Variants in CDH4 observed in about 807,000 individuals in gnomAD.
The protein encoded by CDH4 is cadherin 4, also known as cadherin-4.
CDH4 carries 33 observed loss-of-function variants against 86.0 expected under a neutral mutation model. That is an observed-to-expected ratio of 0.38 (90% CI 0.29 to 0.51). The LOEUF (loss-of-function observed/expected upper bound fraction) is 0.51. Among genes scored for constraint, CDH4 ranks in the 20% least tolerant of loss-of-function variants. The pLI, the probability that CDH4 is intolerant of heterozygous loss-of-function variation, is 0.86. For synonymous variants in CDH4, 555 were observed against 549.4 expected (o/e 1.01, Z -0.14); for missense variants, 1,114 against 1,307.4 (o/e 0.85, Z 2.28).
At chr20:61,798,073 G>C (rs1262262558) in intron 4 of CDH4, among the ~76,000 whole-genome samples, 1 of 152,186 alleles carries the variant, frequency 6.6e-6, no homozygotes, top group Non-Finnish European at 1.5e-5. Flanking sequence ...TCTGAGTCTC[G>C]CTGTCACATC....
chr20:61,882,093 C>T (rs746467622), intron 7 of CDH4, among the ~76,000 whole-genome samples: 1 of 152,344 alleles, frequency 6.6e-6, no homozygotes, highest in East Asian at 1.9e-4. Context: ...GCCTCCACCT[C>T]GAACCTCTGG....
chr20:61,804,126 G>A (rs1033258693), intron 4 of CDH4, among the ~76,000 whole-genome samples: 1 of 152,278 alleles, frequency 6.6e-6, no homozygotes, highest in Non-Finnish European at 1.5e-5. Context: ...CCCGGAGCAG[G>A]TGGTGGAAAC....
At chr20:61,753,389 C>T (rs1330107663) in intron 3 of CDH4, among the ~76,000 whole-genome samples, 2 of 152,192 alleles carry the variant, frequency 1.3e-5, no homozygotes, top group Non-Finnish European at 2.9e-5. Flanking sequence ...AACTTTTCTC[C>T]TTCTTTTGTC....
chr20:61,406,159 G>A (rs369727244), intron 2 of CDH4, among the ~76,000 whole-genome samples: 6 of 152,272 alleles, frequency 3.9e-5, no homozygotes, highest in East Asian at 1.9e-4. Context: ...TCAGGATCCC[G>A]AAAGCCCAGG....
intron 2 of CDH4, among the ~76,000 whole-genome samples, chr20:61,565,883 TG>T (rs918248342): frequency 4.6e-5 from 7 of 152,192 alleles, no homozygotes; most frequent in African/African-American, 1.7e-4. Context: ...CTCAGCTGCC[TG>T]GGGTGAGGGT....
chr20:61,703,632 G>A lies in CDH4; in HGVS notation c.170-39931G>A, dbSNP rs777115309. Among the ~76,000 whole-genome samples, 4 of 152,164 alleles carry A rather than the reference G, an allele frequency of 2.6e-5. No homozygotes were observed. The highest frequency in any genetic ancestry group is 1.9e-4 in the East Asian group (1 of 5,188). On this transcript the variant is annotated intron_variant, in intron 2 of 15. Transcript: ENST00000614565. This position sits in a 1 kb window ranked among gnomAD's most constrained non-coding sequence, Gnocchi z 4.3. ...GCCTGGATGAATCTGCAAAGAGAGC[G>A]GGGATCTGATGTGTGCAGCCATCTC...
At chr20:61,883,251 C>CT (rs1034945523) in intron 7 of CDH4, among the ~76,000 whole-genome samples, 5 of 152,078 alleles carry the variant, frequency 3.3e-5, no homozygotes, top group African/African-American at 1.2e-4. Context: ...ACTGAGTGCC[C>CT]TGTCCCTCTC....
intron 2 of CDH4, chr20:61,434,695 C>CCCACCT (rs1351794622): frequency 6.6e-6 from 1 of 152,070 alleles, no homozygotes; most frequent in African/African-American, 2.4e-5. Context: ...CAGGCCTCGC[C>CCCACCT]CCACCTCCTC....
chr20:61,487,096 A>T (rs554357304), intron 2 of CDH4, among the ~76,000 whole-genome samples: 1 of 152,232 alleles, frequency 6.6e-6, no homozygotes, highest in East Asian at 1.9e-4. Flanking sequence ...TAGGTCTGTG[A>T]TCCATTGTGA....
At chr20:61,473,645 A>T (rs149754095) in intron 2 of CDH4, among the ~76,000 whole-genome samples, 4 of 152,356 alleles carry the variant, frequency 2.6e-5, no homozygotes, top group South Asian at 4.1e-4. Context: ...CTTGTAATAA[A>T]ATATGCTATG....
chr20:61,714,189 G>A (rs1444042841), intron 2 of CDH4, among the ~76,000 whole-genome samples: 2 of 152,004 alleles, frequency 1.3e-5, no homozygotes, highest in Non-Finnish European at 2.9e-5. Context: ...TGGAACTACA[G>A]GCATCCGCCA....
intron 2 of CDH4, among the ~76,000 whole-genome samples, chr20:61,274,264 CAT>C (rs2084210795): frequency 9.3e-6 from 1 of 107,910 alleles, no homozygotes; most frequent in African/African-American, 3.7e-5. Context: ...GGGGGAGTAC[CAT>C]GTGCAGTTTG....
chr20:61,432,777 A>T (rs1482824744), intron 2 of CDH4, among the ~76,000 whole-genome samples: 2 of 148,392 alleles, frequency 1.3e-5, no homozygotes, highest in Non-Finnish European at 3.0e-5. Flanking sequence ...AAGTCACCTC[A>T]TGTTTTCTCC....
chr20:61,680,459 A>G (rs6089261), intron 2 of CDH4, among the ~76,000 whole-genome samples: 1 of 152,024 alleles, frequency 6.6e-6, no homozygotes, highest in African/African-American at 2.4e-5. Context: ...GGGGAGAGTG[A>G]GAAACAAGAC....
chr20:61,444,287 G>T (rs141951342), intron 2 of CDH4, among the ~76,000 whole-genome samples: 1,376 of 151,282 alleles, frequency 9.1e-3, no homozygotes, highest in Admixed American at 0.022. Flanking sequence ...GTGTATGTAT[G>T]TGTGGGTTTC....
intron 2 of CDH4, among the ~76,000 whole-genome samples, chr20:61,376,527 G>A (rs1458354572): frequency 6.6e-6 from 1 of 152,194 alleles, no homozygotes; most frequent in Non-Finnish European, 1.5e-5. Flanking sequence ...TGAGGAGGCT[G>A]AGGTGGAGGC....
chr20:61,353,495 A>C (rs1177405313), intron 2 of CDH4, among the ~76,000 whole-genome samples: 1 of 151,980 alleles, frequency 6.6e-6, no homozygotes, highest in Admixed American at 6.5e-5. Context: ...TGAGCCTTGC[A>C]GAATATAATC....
At chr20:61,666,299 G>T (rs544912503) in intron 2 of CDH4, among the ~76,000 whole-genome samples, 1 of 152,348 alleles carries the variant, frequency 6.6e-6, no homozygotes, top group African/African-American at 2.4e-5. Flanking sequence ...TGGGGAGTCG[G>T]CCCTGTAGAC....
chr20:61,908,463 G>A lies in CDH4; in HGVS notation c.1189-1959G>A, dbSNP rs558524917. ...TGCACGGAAGGGGCGCGGGTGGGTC[G>A]GGTGAATCTGCGCCATCTCACAGCC... On this transcript the variant is annotated intron_variant, in intron 8 of 15. Transcript: ENST00000614565. Among the ~76,000 whole-genome samples, 19 of 152,218 alleles carry A rather than the reference G, an allele frequency of 1.2e-4. No individual in the cohort carries two copies. In the South Asian group the frequency reaches 2.1e-3, roughly 17 times the overall value.
Sources: gnomAD v4.1 joint callset for allele counts (sites outside exome capture counted in the v4.1 genomes callset) on GRCh38, gnomAD v4.1.1 for gene constraint, Gnocchi (gnomAD v3.1) non-coding constraint, MANE v1.5 for transcripts, NCBI Gene and HGNC (gene_info 2026-07-23, HGNC 2026-07-21) for gene names.